The following AKR1C3 variants were observed in gnomAD, a reference collection of about 807,000 sequenced individuals.
AKR1C3 encodes the protein aldo-keto reductase family 1 member C3, also known as 3-alpha hydroxysteroid dehydrogenase, type II.
In AKR1C3, 48 loss-of-function variants were observed where a neutral mutation model predicts 43.6. The observed-to-expected ratio is 1.10, with a 90% CI of 0.87 to 1.40. AKR1C3 has a LOEUF of 1.40. AKR1C3 is among the 40% of genes most tolerant of loss of function. The pLI is 0.00. For synonymous variants in AKR1C3, 162 were observed against 139.6 expected (o/e 1.16, Z -1.13); for missense variants, 482 against 391.2 (o/e 1.23, Z -1.96).
intron 1 of AKR1C3, among the ~76,000 whole-genome samples, chr10:5,088,429 G>A (rs1839019303): frequency 6.6e-6 from 1 of 151,852 alleles, no homozygotes; most frequent in African/African-American, 2.4e-5. Flanking sequence ...GGGTGTTGAT[G>A]TCATTTACTA....
chr10:5,102,258 A>T (rs1554786165), intron 6 of AKR1C3, 48 bp downstream of exon 6: 3 of 1,592,178 alleles, frequency 1.9e-6, no homozygotes, highest in South Asian at 1.1e-5. Context: ...TTTGCAGAAA[A>T]TTTTTTAGTC....
chr10:5,075,759 A>C (rs1315536005), intron 1 of AKR1C3, among the ~76,000 whole-genome samples: 1 of 152,040 alleles, frequency 6.6e-6, no homozygotes, highest in African/African-American at 2.4e-5. Context: ...CTCCTATCCC[A>C]CCTACTCGGG....
chr10:5,084,390 T>A (rs1838913608), intron 1 of AKR1C3, among the ~76,000 whole-genome samples: 1 of 151,402 alleles, frequency 6.6e-6, no homozygotes, highest in Non-Finnish European at 1.5e-5. Context: ...TAGTTGTAGA[T>A]ATGCGGCATT....
chr10:5,105,555 T>G (rs1297662158), intron 7 of AKR1C3, 40 bp from the exon 8 acceptor site: 6 of 1,483,302 alleles, frequency 4.0e-6, no homozygotes, highest in Non-Finnish European at 5.6e-6. Flanking sequence ...GATTCACAAC[T>G]GGCAATCTAA....
At chr10:5,050,999 T>G (rs559536436) in intron 1 of AKR1C3, among the ~76,000 whole-genome samples, 21 of 152,332 alleles carry the variant, frequency 1.4e-4, no homozygotes, top group African/African-American at 4.3e-4. Flanking sequence ...CTACTTTCCT[T>G]GGGAATTTGA....
intron 1 of AKR1C3, among the ~76,000 whole-genome samples, chr10:5,087,639 C>G (rs1839000042): frequency 6.6e-6 from 1 of 152,032 alleles, no homozygotes; most frequent in Non-Finnish European, 1.5e-5. Context: ...TCCCTAAGTG[C>G]TGGGATTACA....
chr10:5,074,208 G>C (rs1428887122), intron 1 of AKR1C3, among the ~76,000 whole-genome samples: 8 of 152,262 alleles, frequency 5.3e-5, no homozygotes, highest in Non-Finnish European at 8.8e-5. Flanking sequence ...ATGATACCAA[G>C]CTGTGCCCCG....
upstream of AKR1C3, among the ~76,000 whole-genome samples, chr10:5,090,279 G>A (rs1839060945): frequency 1.3e-5 from 2 of 152,106 alleles, no homozygotes; most frequent in African/African-American, 4.8e-5. Context: ...CCAGCCCAAA[G>A]AGAGGTTACC....
rs782111778 is a variant in AKR1C3, at chr10:5,105,618, A to C, written c.870A>C (p.Ala290=). The change falls in exon 8 of 9, where the codon GCA becomes GCC. Residue 290 remains alanine, a synonymous_variant. Transcript: ENST00000380554. ...AGGTTTTTGAGTTCCAGTTGACTGC[A>C]GAGGACATGAAAGCCATAGATGGCC... ...NVQVFEFQLT[A]EDMKAIDGLD... 2 of 1,614,072 alleles carry C rather than the reference A, an allele frequency of 1.2e-6. No individual in the cohort carries two copies. The highest frequency in any genetic ancestry group is 1.1e-5 in the South Asian group (1 of 91,074).
intron 8 of AKR1C3, among the ~76,000 whole-genome samples, chr10:5,106,655 G>A (rs1168265092): frequency 1.3e-5 from 2 of 152,114 alleles, no homozygotes; most frequent in East Asian, 3.9e-4. Context: ...GAAGGCTGAG[G>A]CAGGAGAATC....
At chr10:5,091,070 G>T (rs1280749444), upstream of AKR1C3, among the ~76,000 whole-genome samples, 3 of 151,812 alleles carry the variant, frequency 2.0e-5, no homozygotes, top group Non-Finnish European at 2.9e-5. Context: ...TGTAGAACAT[G>T]TTCAAATAAT....
At chr10:5,098,919 A>C (rs782059009) in intron 4 of AKR1C3, 40 bp downstream of exon 4, 5 of 1,516,374 alleles carry the variant, frequency 3.3e-6, no homozygotes, top group Non-Finnish European at 3.6e-6. Flanking sequence ...AGGATGACAA[A>C]AAGAGAAAAT....
chr10:5,082,522 T>G (rs1367446105), intron 1 of AKR1C3, among the ~76,000 whole-genome samples: 1 of 152,152 alleles, frequency 6.6e-6, no homozygotes, highest in African/African-American at 2.4e-5. Flanking sequence ...TTATCAAAAC[T>G]CGGCATCTGT....
chr10:5,058,747 G>C (rs1331196707), intron 1 of AKR1C3, among the ~76,000 whole-genome samples: 2 of 152,170 alleles, frequency 1.3e-5, no homozygotes, highest in Admixed American at 1.3e-4. Flanking sequence ...AGACCACATG[G>C]AGGACCAAGG....
At chr10:5,052,324 G>A (rs945238965) in intron 1 of AKR1C3, among the ~76,000 whole-genome samples, 1 of 152,200 alleles carries the variant, frequency 6.6e-6, no homozygotes, top group Non-Finnish European at 1.5e-5. Context: ...GCAGTAGCAA[G>A]ATTTATTGCA....
At chr10:5,066,885 G>C (rs1474072872) in intron 1 of AKR1C3, among the ~76,000 whole-genome samples, 3 of 152,116 alleles carry the variant, frequency 2.0e-5, no homozygotes, top group African/African-American at 7.2e-5. Flanking sequence ...ATTTGCTATA[G>C]AGCATATAAT....
At chr10:5,101,512 TA>T (rs1839349989) in intron 5 of AKR1C3, among the ~76,000 whole-genome samples, 1 of 152,206 alleles carries the variant, frequency 6.6e-6, no homozygotes, top group African/African-American at 2.4e-5. Context: ...GAGATTACTA[TA>T]ATAACCACCA....
chr10:5,063,791 G>GAAAAAAAAAAAAAAAAAAAAAAAAAAA (rs1554780518), intron 1 of AKR1C3, among the ~76,000 whole-genome samples: 251 of 72,718 alleles, frequency 3.5e-3, no homozygotes, highest in East Asian at 4.7e-3. Context: ...AAAAAAAAAG[G>GAAAAAAAAAAAAAAAAAAAAAAAAAAA]AAAATGGCAC....
At chr10:5,084,586 T>C (rs1433079201) in intron 1 of AKR1C3, among the ~76,000 whole-genome samples, 1 of 152,160 alleles carries the variant, frequency 6.6e-6, no homozygotes, top group Non-Finnish European at 1.5e-5. Flanking sequence ...ATATGAACTT[T>C]AAAGTAGTTT....
Sources: allele counts gnomAD v4.1 joint callset (sites outside exome capture counted in the v4.1 genomes callset), GRCh38; gene constraint gnomAD v4.1.1; transcripts MANE v1.5; gene names NCBI Gene and HGNC (gene_info 2026-07-23, HGNC 2026-07-21).